The following SULT2B1 variants were observed in gnomAD, a reference collection of about 807,000 sequenced individuals.
SULT2B1 encodes sulfotransferase family 2B member 1.
In SULT2B1, 16 loss-of-function variants were observed where a neutral mutation model predicts 33.2. The observed-to-expected ratio is 0.48, with a 90% CI of 0.33 to 0.73. SULT2B1 has a LOEUF of 0.73. Among genes scored for constraint, SULT2B1 ranks in the 30% least tolerant of loss-of-function variants. The pLI is 0.02. For missense variants in SULT2B1, 500 were observed against 506.0 expected (o/e 0.99, Z 0.11); for synonymous variants, 186 against 200.5 (o/e 0.93, Z 0.61).
intron 1 of SULT2B1, among the ~76,000 whole-genome samples, chr19:48,566,126 G>A (rs1474038302): frequency 6.6e-6 from 1 of 152,038 alleles, no homozygotes; most frequent in African/African-American, 2.4e-5. Context: ...TGGCCAGGCT[G>A]GTCTCAAACT....
intron 3 of SULT2B1, 119 bp downstream of exon 3, chr19:48,587,556 C>T: frequency 1.8e-6 from 2 of 1,135,840 alleles, no homozygotes. Context: ...CTACTATGTG[C>T]CTGACTCTGA....
intron 6 of SULT2B1, among the ~76,000 whole-genome samples, chr19:48,598,886 G>C (rs1973759211): frequency 6.6e-6 from 1 of 152,102 alleles, no homozygotes; most frequent in Non-Finnish European, 1.5e-5. Flanking sequence ...ATAAAGGGGA[G>C]GACTGGCAGG....
chr19:48,572,255 C>T lies in SULT2B1; in HGVS notation c.72-3686C>T, dbSNP rs146780089. ...CTGTGCTGGGAGCGGTGGCTCATGC[C>T]TGTAATCCCAGCACTTTGGGAGGCC... On this transcript the variant is annotated intron_variant, in intron 1 of 6. Coordinates refer to ENST00000201586, the MANE Select transcript of SULT2B1 (RefSeq NM_177973.2). 6.5e-3 allele frequency among the ~76,000 whole-genome samples: 988 copies of T among 152,198 alleles called. 16 individuals are homozygous for T. The highest frequency in any genetic ancestry group is 0.021 in the African/African-American group (861 of 41,518).
Position 48,592,734 on chromosome 19 carries a change from C to A in SULT2B1, c.563C>A (p.Ser188Tyr). The A allele has an allele frequency of 6.3e-7, 1 of 1,596,482 alleles. No individual in the cohort carries two copies. The highest frequency in any genetic ancestry group is 8.5e-7 in the Non-Finnish European group (1 of 1,171,136). Residue 188 changes from serine to tyrosine, a missense_variant, in exon 5 of 7, where the codon TCC becomes TAC. Coordinates refer to ENST00000201586, the MANE Select transcript of SULT2B1 (RefSeq NM_177973.2). ...DFLKGEVQFG[S>Y]WFDHIKGWLR... ...CCTCTGCCCACAGTGCAGTTTGGCT[C>A]CTGGTTCGACCACATTAAGGGCTGG...
chr19:48,588,704 G>A (rs1334979217), intron 3 of SULT2B1, among the ~76,000 whole-genome samples: 1 of 152,000 alleles, frequency 6.6e-6, no homozygotes, highest in South Asian at 2.1e-4. Context: ...AGAGGTGGGT[G>A]TGGGGCTGCA....
chr19:48,582,139 A>C (rs1973499828), intron 2 of SULT2B1, among the ~76,000 whole-genome samples: 1 of 149,862 alleles, frequency 6.7e-6, no homozygotes, highest in African/African-American at 2.5e-5. Flanking sequence ...CCCTGACCTC[A>C]GGAGATCCAC....
At chr19:48,563,752 G>T (rs975618204) in intron 1 of SULT2B1, among the ~76,000 whole-genome samples, 1 of 151,874 alleles carries the variant, frequency 6.6e-6, no homozygotes, top group Admixed American at 6.6e-5. Flanking sequence ...ATCACTTGAG[G>T]CCAGGAGTTC....
At chr19:48,572,358 C>T (rs1434246844) in intron 1 of SULT2B1, among the ~76,000 whole-genome samples, 1 of 152,032 alleles carries the variant, frequency 6.6e-6, no homozygotes, top group Non-Finnish European at 1.5e-5. Flanking sequence ...ACTAAAAATA[C>T]AAAAATTAGC....
intron 1 of SULT2B1, among the ~76,000 whole-genome samples, chr19:48,561,295 G>C (rs940022195): frequency 6.6e-6 from 1 of 151,912 alleles, no homozygotes; most frequent in South Asian, 2.1e-4. Flanking sequence ...GGTCGTGGTG[G>C]CACATGCCTG....
chr19:48,575,785 T>G (rs1374655618), intron 1 of SULT2B1, 156 bp from the exon 2 acceptor site: 1 of 1,363,602 alleles, frequency 7.3e-7, no homozygotes, highest in African/African-American at 1.5e-5. Flanking sequence ...CTGACCAGCT[T>G]TATAAAGTTT....
In SULT2B1 at chr19:48,558,830, G is replaced by A. The variant is rs1440105052; in HGVS notation, c.71+6507G>A. Among the ~76,000 whole-genome samples the A allele has an allele frequency of 5.3e-5, 8 of 151,454 alleles. No homozygotes were observed. In the East Asian group the frequency reaches 7.8e-4, roughly 15 times the overall value. On this transcript the variant is annotated intron_variant, in intron 1 of 6. Coordinates refer to ENST00000201586, the MANE Select transcript of SULT2B1 (RefSeq NM_177973.2). ...CTCCTGAGTAGCTGGGACTACAGGCGTGCGCCACCACGCCTGGCTAAATTT... is the reference window on the plus strand; with the variant it reads ...CTCCTGAGTAGCTGGGACTACAGGCATGCGCCACCACGCCTGGCTAAATTT...
At chr19:48,588,888 C>T (rs1317381837) in intron 3 of SULT2B1, among the ~76,000 whole-genome samples, 5 of 151,918 alleles carry the variant, frequency 3.3e-5, no homozygotes, top group Non-Finnish European at 5.9e-5. Flanking sequence ...TGGCCGGAGC[C>T]AAGTGAGCAA....
chr19:48,592,676 G>A lies in SULT2B1; in HGVS notation c.551-46G>A, dbSNP rs758023696. ...CCCATGAGCCCCAGTGGGGCTGGGGGAACCCCGCCACTCAGCCCTCACCCC... is the reference window on the plus strand; with the variant it reads ...CCCATGAGCCCCAGTGGGGCTGGGGAAACCCCGCCACTCAGCCCTCACCCC... On this transcript the variant is annotated intron_variant, in intron 4 of 6. Coordinates refer to ENST00000201586, the MANE Select transcript of SULT2B1 (RefSeq NM_177973.2). 2.2e-5 allele frequency: 34 copies of A among 1,517,858 alleles called. No individual in the cohort carries two copies. In the Middle Eastern group the frequency reaches 1.2e-3, roughly 53 times the overall value. 94.0% of individuals were successfully genotyped at this position (1,517,858 alleles called of 1,614,324 possible).
At chr19:48,558,787 C>T (rs1973138459) in intron 1 of SULT2B1, among the ~76,000 whole-genome samples, 2 of 147,378 alleles carry the variant, frequency 1.4e-5, no homozygotes, top group Middle Eastern at 3.4e-3. Context: ...GGGGTTCAAG[C>T]GATTCTCCTG....
chr19:48,563,449 A>G (rs1973204832), intron 1 of SULT2B1, among the ~76,000 whole-genome samples: 1 of 152,192 alleles, frequency 6.6e-6, no homozygotes, highest in Non-Finnish European at 1.5e-5. Flanking sequence ...TTATTTATGC[A>G]GTGGAATTCT....
rs754600571 is a variant in SULT2B1 at position 48,599,178 on chromosome 19, C to T, written c.870C>T (p.Ser290=). 3.4e-5 allele frequency: 54 copies of T among 1,598,686 alleles called. No individual in the cohort carries two copies. The highest frequency in any genetic ancestry group is 4.3e-5 in the Non-Finnish European group (50 of 1,175,674). Residue 290 remains serine (S), a synonymous_variant, in exon 7 of 7, where the codon AGC becomes AGT. Coordinates refer to ENST00000201586, the MANE Select transcript of SULT2B1 (RefSeq NM_177973.2). The surrounding 1 kb of genome is among the most constrained non-coding windows in gnomAD (Gnocchi z 4.1). Reference sequence around the variant, plus strand: ...AGAACCACTTCACGGTGGCCCAGAGCGAAGCCTTCGATCGTGCCTACCGCA... The same window carrying T: ...AGAACCACTTCACGGTGGCCCAGAGTGAAGCCTTCGATCGTGCCTACCGCA... ...DWKNHFTVAQ[S]EAFDRAYRKQ...
chr19:48,599,396 G>C lies in SULT2B1; in HGVS notation c.1088G>C (p.Arg363Pro). Residue 363 changes from arginine (R) to proline (P), a missense_variant, in exon 7 of 7, where the codon CGA becomes CCA. Physicochemically the swap from Arg to Pro is moderately radical, Grantham distance 103. Coordinates refer to ENST00000201586, the MANE Select transcript of SULT2B1 (RefSeq NM_177973.2). This position sits in a 1 kb window ranked among gnomAD's most constrained non-coding sequence, Gnocchi z 4.1. ...CAGGCCTCTGAGACCCCGCACCCAC[G>C]ACCCTCATAATAAACACGTCGATTC... ...PGQASETPHPRPS is the reference protein window; with the variant it reads ...PGQASETPHPPPS 6.4e-7 allele frequency: 1 copy of C among 1,553,344 alleles called. No homozygotes were observed. The highest frequency in any genetic ancestry group is 8.7e-7 in the Non-Finnish European group (1 of 1,148,584).
At position 48,599,258 on chromosome 19, in the gene SULT2B1, G is replaced by A. The variant is rs1387672998; in HGVS notation, c.950G>A (p.Gly317Asp). The A allele has an allele frequency of 6.2e-7, 1 of 1,610,676 alleles. No individual in the cohort carries two copies. The highest frequency in any genetic ancestry group is 8.5e-7 in the Non-Finnish European group (1 of 1,178,978). ...TGGGATGAAGACCCGGAGGAGGACG[G>A]CAGCCCAGATCCTGAGCCCAGCCCT... ...FPWDEDPEEDGSPDPEPSPEP... is the reference protein window; with the variant it reads ...FPWDEDPEEDDSPDPEPSPEP... Residue 317 changes from glycine to aspartate, a missense_variant, in exon 7 of 7, where the codon GGC becomes GAC. By Grantham distance (94) the Gly-to-Asp change is moderately conservative. Transcript: ENST00000201586. The surrounding 1 kb of genome is among the most constrained non-coding windows in gnomAD (Gnocchi z 4.1).
At chr19:48,576,260 C>T (rs1440381855) in intron 2 of SULT2B1, among the ~76,000 whole-genome samples, 177 bp downstream of exon 2, 2 of 151,854 alleles carry the variant, frequency 1.3e-5, no homozygotes, top group Non-Finnish European at 2.9e-5. Context: ...CCAGCCTCTC[C>T]CCTCCAGGTC....
Sources: allele counts gnomAD v4.1 joint callset (sites outside exome capture counted in the v4.1 genomes callset), GRCh38; gene constraint gnomAD v4.1.1; non-coding constraint Gnocchi (gnomAD v3.1); transcripts MANE v1.5; gene names NCBI Gene and HGNC (gene_info 2026-07-23, HGNC 2026-07-21).